Variants in NIPSNAP3B observed in about 807,000 individuals in gnomAD.
NIPSNAP3B encodes protein NipSnap homolog 3B.
Under a neutral mutation model 31.5 loss-of-function variants are expected in NIPSNAP3B, and 30 were observed. The ratio of observed to expected loss-of-function variants is 0.95; its 90% CI spans 0.71 to 1.29. The LOEUF (loss-of-function observed/expected upper bound fraction) is 1.29. NIPSNAP3B is among the 50% of genes most tolerant of loss of function. The pLI is 0.00. For missense variants in NIPSNAP3B, 269 were observed against 300.7 expected (o/e 0.89, Z 0.78); for synonymous variants, 106 against 107.9 (o/e 0.98, Z 0.11).
downstream of NIPSNAP3B, among the ~76,000 whole-genome samples, chr9:104,779,621 G>GTTT (rs11432680): frequency 0.015 from 2,196 of 147,144 alleles, 45 homozygotes; most frequent in African/African-American, 0.048. Flanking sequence ...AGCTAAGTGG[G>GTTT]TTTTTTTTTT....
At chr9:104,772,197 G>GTT (rs904903715) in intron 4 of NIPSNAP3B, among the ~76,000 whole-genome samples, 12 of 142,378 alleles carry the variant, frequency 8.4e-5, no homozygotes, top group African/African-American at 2.6e-5. Context: ...TCTGTTGACA[G>GTT]TTTTTTTTTT....
chr9:104,785,453 C>G, the NIPSNAP3B span: 292 of 1,580,968 alleles, frequency 1.8e-4, no homozygotes, highest in Non-Finnish European at 2.1e-4. Flanking sequence ...GCTTTTTGCT[C>G]TGGGAGAGGA....
downstream of NIPSNAP3B, among the ~76,000 whole-genome samples, chr9:104,779,451 AAG>A (rs72048032): frequency 0.28 from 42,712 of 151,916 alleles, 6,255 homozygotes; most frequent in East Asian, 0.53. Flanking sequence ...CTTCAACAAA[AAG>A]AACCCTCTGC....
In NIPSNAP3B at chr9:104,764,228, CCGAAGCCG is replaced by C; in HGVS notation, c.-10_-3del. On this transcript the variant is annotated 5_prime_UTR_variant, in exon 1 of 6. Coordinates refer to ENST00000374762, the MANE Select transcript of NIPSNAP3B (RefSeq NM_018376.4). ...ACTCGGCTGGCTGCTTTTCTCAGTG[CCGAAGCCG>C]CGCCATGCTCGTTCTCAGAAGCGGC... 1 of 1,599,642 alleles carries C rather than the reference CCGAAGCCG, an allele frequency of 6.3e-7. No individual in the cohort carries two copies. The highest frequency in any genetic ancestry group is 8.5e-7 in the Non-Finnish European group (1 of 1,174,940).
chr9:104,768,494 G>T (rs1461213478), intron 2 of NIPSNAP3B, among the ~76,000 whole-genome samples: 2 of 152,142 alleles, frequency 1.3e-5, no homozygotes, highest in African/African-American at 4.8e-5. Context: ...CTCTTTTCAT[G>T]TACTAATTCA....
downstream of NIPSNAP3B, among the ~76,000 whole-genome samples, chr9:104,778,993 C>T (rs1828388374): frequency 6.6e-6 from 1 of 152,208 alleles, no homozygotes; most frequent in African/African-American, 2.4e-5. Context: ...TAACTCAGTA[C>T]AAGAGACATT....
chr9:104,784,219 A>G, the NIPSNAP3B span: 1,592 of 1,518,832 alleles, frequency 1.0e-3, 21 homozygotes, highest in African/African-American at 0.018. Context: ...TTCTTCCCAC[A>G]TCAACTTCTG....
At chr9:104,780,175 A>G (rs761543812), downstream of NIPSNAP3B, among the ~76,000 whole-genome samples, 15 of 152,194 alleles carry the variant, frequency 9.9e-5, no homozygotes, top group Non-Finnish European at 2.9e-5. Context: ...CATTAAAGTC[A>G]CTATAACATG....
At position 104,772,899 on chromosome 9, in the gene NIPSNAP3B, G is replaced by T. The variant is rs2118801260; in HGVS notation, c.658G>T (p.Val220Leu). 1 of 1,613,570 alleles carries T rather than the reference G, an allele frequency of 6.2e-7. No homozygotes were observed. The highest frequency in any genetic ancestry group is 2.2e-5 in the East Asian group (1 of 44,870). Reference protein sequence around the residue: ...RHKSHEDPRVVAAVRESVNYL... With the variant: ...RHKSHEDPRVLAAVRESVNYL... ...TAAGTCCCATGAGGATCCCAGAGTTGTGGCGGCTGGTAAGCTGTTTCACTA... is the reference window on the plus strand; with the variant it reads ...TAAGTCCCATGAGGATCCCAGAGTTTTGGCGGCTGGTAAGCTGTTTCACTA... Residue 220 changes from valine to leucine, a missense_variant, in exon 5 of 6, where the codon GTG becomes TTG. By Grantham distance (32) the Val-to-Leu change is conservative (BLOSUM62 1). Coordinates refer to ENST00000374762, the MANE Select transcript of NIPSNAP3B (RefSeq NM_018376.4).
At chr9:104,769,504 C>G (rs1225574508) in intron 3 of NIPSNAP3B, among the ~76,000 whole-genome samples, 1 of 150,012 alleles carries the variant, frequency 6.7e-6, no homozygotes, top group Non-Finnish European at 1.5e-5. Flanking sequence ...TTTGCTTATC[C>G]TTAAAACATT....
At chr9:104,765,906 T>G (rs1828080831) in intron 1 of NIPSNAP3B, among the ~76,000 whole-genome samples, 1 of 152,190 alleles carries the variant, frequency 6.6e-6, no homozygotes, top group African/African-American at 2.4e-5. Flanking sequence ...CCAAAAGGCA[T>G]GTGTACTTAA....
rs1828289438 is a variant in NIPSNAP3B, at chr9:104,774,345, C to T, written c.*1272C>T. The stretch of plus-strand genomic sequence containing the variant: ...TGAGATATTATTTATGAGAGGCAGG[C>T]AGTGGCAGCTTAAACAGACATACCT... On this transcript the variant is annotated 3_prime_UTR_variant, in exon 6 of 6. Coordinates refer to ENST00000374762, the MANE Select transcript of NIPSNAP3B (RefSeq NM_018376.4). Among the ~76,000 whole-genome samples, 1 of 152,184 alleles carries T rather than the reference C, an allele frequency of 6.6e-6. No homozygotes were observed. Among genetic ancestry groups the T allele is most frequent in the African/African-American group, 2.4e-5 (1 of 41,450 alleles).
chr9:104,770,263 G>A (rs551187714), intron 3 of NIPSNAP3B, among the ~76,000 whole-genome samples: 1 of 152,166 alleles, frequency 6.6e-6, no homozygotes, highest in South Asian at 2.1e-4. Context: ...TGGCCAGAAG[G>A]TAGAATGGTT....
Position 104,764,145 on chromosome 9 carries a change from A to G in NIPSNAP3B, c.-96A>G, listed in dbSNP as rs1414469231. 9 of 1,200,040 alleles carry G rather than the reference A, an allele frequency of 7.5e-6. No individual in the cohort carries two copies. The East Asian group carries it at 2.4e-4, about 33-fold the overall frequency. 74.3% of individuals were successfully genotyped at this position (1,200,040 alleles called of 1,614,324 possible). ...AGTCCCGCCCCTGCCTGAGTTCGCC[A>G]GTGGTCCAGGAGCCGCTTTTTTCCA... On this transcript the variant is annotated 5_prime_UTR_variant, in exon 1 of 6. Coordinates refer to ENST00000374762, the MANE Select transcript of NIPSNAP3B (RefSeq NM_018376.4).
intron 4 of NIPSNAP3B, among the ~76,000 whole-genome samples, chr9:104,772,457 G>T (rs1319032575): frequency 6.6e-6 from 1 of 152,000 alleles, no homozygotes; most frequent in Admixed American, 6.5e-5. Context: ...TATCTAGGCA[G>T]TTAAGATTAT....
At chr9:104,785,515 G>T in the NIPSNAP3B span, 3 of 1,562,012 alleles carry the variant, frequency 1.9e-6, no homozygotes. Context: ...TGGTATTGTA[G>T]CATGTTCCGG....
rs1317824948 is a variant in NIPSNAP3B at position 104,775,891 on chromosome 9, T to G, written c.*2818T>G. 2.0e-5 allele frequency among the ~76,000 whole-genome samples: 3 copies of G among 152,208 alleles called. No individual in the cohort carries two copies. The highest frequency in any genetic ancestry group is 4.1e-4 in the South Asian group (2 of 4,830). On this transcript the variant is annotated 3_prime_UTR_variant, in exon 6 of 6. Transcript: ENST00000374762. ...TCCCAAATATCTAGAATTTGATTGCTTCACATCCCTATAGCAACTCTCCTG... is the reference window on the plus strand; with the variant it reads ...TCCCAAATATCTAGAATTTGATTGCGTCACATCCCTATAGCAACTCTCCTG...
At chr9:104,768,768 T>C in intron 2 of NIPSNAP3B, 95 bp from the exon 3 acceptor site, 4 of 1,035,690 alleles carry the variant, frequency 3.9e-6, no homozygotes, top group Non-Finnish European at 5.5e-6. Context: ...GGTTCCCATA[T>C]GGCCTTGCAC....
In NIPSNAP3B at chr9:104,773,837, AT is replaced by A. The variant is rs1248222254; in HGVS notation, c.*765del. 2 of 152,204 alleles carry A rather than the reference AT, an allele frequency of 1.3e-5. No homozygotes were observed. Among genetic ancestry groups the A allele is most frequent in the Non-Finnish European group, 2.9e-5 (2 of 68,034 alleles). 9.4% of individuals were successfully genotyped at this position (152,204 alleles called of 1,614,324 possible). A position where few individuals can be genotyped will look rare whatever the true frequency, so the allele number is the denominator to read the frequency against. ...ACGCTTGCCCTAATAAAAATCCTGC[AT>A]ATTCATTGTTTTTTTAAATTCACAT... On this transcript the variant is annotated 3_prime_UTR_variant, in exon 6 of 6. Transcript: ENST00000374762.
Sources: gnomAD v4.1 joint callset for allele counts (sites outside exome capture counted in the v4.1 genomes callset) on GRCh38, gnomAD v4.1.1 for gene constraint, MANE v1.5 for transcripts, NCBI Gene and HGNC (gene_info 2026-07-23, HGNC 2026-07-21) for gene names.